The following LRP12 variants were observed in gnomAD, a reference collection of about 807,000 sequenced individuals.
LRP12 encodes LDL receptor related protein 12, also known as low-density lipoprotein receptor-related protein 12.
In LRP12, 14 loss-of-function variants were observed where a neutral mutation model predicts 66.0. The observed-to-expected ratio is 0.21, with a 90% CI of 0.14 to 0.33. LRP12 has a LOEUF of 0.33. Ranked by LOEUF, LRP12 falls within the 10% of genes least tolerant of loss-of-function variation. The pLI is 1.00. For synonymous variants in LRP12, 357 were observed against 359.1 expected (o/e 0.99, Z 0.07); for missense variants, 889 against 1,053.4 (o/e 0.84, Z 2.16).
intron 5 of LRP12, 108 bp downstream of exon 5, chr8:104,496,864 T>C: frequency 3.6e-6 from 4 of 1,096,172 alleles, no homozygotes; most frequent in Non-Finnish European, 2.4e-6. Flanking sequence ...CTTTATCCAT[T>C]TTCTAAACTA....
In LRP12 at chr8:104,490,783, C is replaced by T; in HGVS notation, c.2470G>A (p.Gly824Ser). Residue 824 changes from glycine to serine, a missense_variant, in exon 7 of 7, where the codon GGC (glycine) becomes AGC (serine). By Grantham distance (56) the Gly-to-Ser change is moderately conservative. Coordinates refer to ENST00000276654, the MANE Select transcript of LRP12 (RefSeq NM_013437.5). ...ACAATACCACAGCGCTCACAGGGGC[C>T]ATCTCGATTACTTGGCCTTACTCCA... ...NPGVRPSNRD[G>S]PCERCGIVHT... 1 of 1,614,104 alleles carries T rather than the reference C, an allele frequency of 6.2e-7. No individual in the cohort carries two copies. Among genetic ancestry groups the T allele is most frequent in the Non-Finnish European group, 8.5e-7 (1 of 1,180,016 alleles).
intron 1 of LRP12, among the ~76,000 whole-genome samples, chr8:104,547,813 C>G (rs1488703823): frequency 8.2e-6 from 1 of 121,300 alleles, no homozygotes; most frequent in Non-Finnish European, 1.6e-5. Flanking sequence ...ATATATAATT[C>G]TATATACTTT....
In LRP12 at chr8:104,548,349, AT is replaced by A. The variant is rs1811658205; in HGVS notation, c.80-16387del. On this transcript the variant is annotated intron_variant, in intron 1 of 6. Coordinates refer to ENST00000276654, the MANE Select transcript of LRP12 (RefSeq NM_013437.5). ...ATATATATTATATAAATATATAAAT[AT>A]ATAATATATATTATATAAATATATT... Among the ~76,000 whole-genome samples the A allele has an allele frequency of 1.6e-4, 4 of 25,680 alleles. 1 individual carries two copies. The highest frequency in any genetic ancestry group is 1.1e-3 in the Admixed American group (2 of 1,788). 16.8% of individuals were successfully genotyped at this position (25,680 alleles called of 152,430 possible). A position where few individuals can be genotyped will look rare whatever the true frequency, so the allele number is the denominator to read the frequency against.
chr8:104,499,748 G>C (rs1285027222), intron 3 of LRP12, among the ~76,000 whole-genome samples: 1 of 152,006 alleles, frequency 6.6e-6, no homozygotes, highest in Non-Finnish European at 1.5e-5. Context: ...GTAATGCTAG[G>C]TTCCAAAATA....
At chr8:104,557,394 C>T (rs925287723) in intron 1 of LRP12, among the ~76,000 whole-genome samples, 20 of 151,944 alleles carry the variant, frequency 1.3e-4, no homozygotes, top group Non-Finnish European at 1.8e-4. Flanking sequence ...AAATTCATCC[C>T]GAAAGCTCCT....
intron 2 of LRP12, among the ~76,000 whole-genome samples, chr8:104,527,967 G>C (rs1327737474): frequency 1.3e-5 from 2 of 152,102 alleles, no homozygotes; most frequent in Non-Finnish European, 2.9e-5. Context: ...GGTCCTATCA[G>C]GTGCTTGATA....
At chr8:104,539,937 T>C (rs78798977) in intron 1 of LRP12, among the ~76,000 whole-genome samples, 6,861 of 152,186 alleles carry the variant, frequency 0.045, 236 homozygotes, top group Non-Finnish European at 0.074. Context: ...GGCCAAACCC[T>C]AATATAGTTT....
At position 104,563,680 on chromosome 8, in the gene LRP12, C is replaced by G. The variant is rs111786187; in HGVS notation, c.79+25139G>C. 4.2e-3 allele frequency among the ~76,000 whole-genome samples: 641 copies of G among 152,092 alleles called. 7 individuals are homozygous for G. Among genetic ancestry groups the G allele is most frequent in the African/African-American group, 0.015 (612 of 41,466 alleles). On this transcript the variant is annotated intron_variant, in intron 1 of 6. Coordinates refer to ENST00000276654, the MANE Select transcript of LRP12 (RefSeq NM_013437.5). Reference sequence around the variant, plus strand: ...CTGTCCTCAAGAATGGGATTAGTGTCCTTATAAAAGGGACCCCAGAGAACT... The same window carrying G: ...CTGTCCTCAAGAATGGGATTAGTGTGCTTATAAAAGGGACCCCAGAGAACT...
At chr8:104,546,751 TG>T (rs1286040731) in intron 1 of LRP12, among the ~76,000 whole-genome samples, 1 of 151,542 alleles carries the variant, frequency 6.6e-6, no homozygotes, top group East Asian at 1.9e-4. Flanking sequence ...CTTACTGAGC[TG>T]GATCTGTGGC....
intron 3 of LRP12, among the ~76,000 whole-genome samples, chr8:104,500,808 AG>A (rs1469193957): frequency 1.5e-5 from 2 of 132,056 alleles, no homozygotes; most frequent in African/African-American, 5.5e-5. Context: ...TTCTAGAACT[AG>A]TATTGCTAGG....
chr8:104,530,611 G>A (rs79944793), intron 2 of LRP12, among the ~76,000 whole-genome samples: 1,814 of 152,268 alleles, frequency 0.012, 17 homozygotes, highest in Middle Eastern at 0.092. Flanking sequence ...GTATTTTGTT[G>A]CAGCAGCACA....
chr8:104,555,931 T>C (rs1227716183), intron 1 of LRP12, among the ~76,000 whole-genome samples: 3 of 152,152 alleles, frequency 2.0e-5, no homozygotes, highest in African/African-American at 7.2e-5. Context: ...TCTCAATAAA[T>C]TTAAGAAAAT....
intron 3 of LRP12, among the ~76,000 whole-genome samples, chr8:104,502,023 T>C (rs1276630301): frequency 1.3e-5 from 2 of 152,220 alleles, no homozygotes; most frequent in Admixed American, 6.5e-5. Flanking sequence ...GAGATTCTTC[T>C]TTCTTACATT....
chr8:104,525,480 C>G (rs1365697694), intron 2 of LRP12, among the ~76,000 whole-genome samples: 1 of 151,952 alleles, frequency 6.6e-6, no homozygotes, highest in Non-Finnish European at 1.5e-5. Context: ...AGTACAAGAA[C>G]CAAAAATATA....
In LRP12 at chr8:104,497,561, C is replaced by A; in HGVS notation, c.991G>T (p.Val331Leu). 1 of 1,613,656 alleles carries A rather than the reference C, an allele frequency of 6.2e-7. No homozygotes were observed. Among genetic ancestry groups the A allele is most frequent in the Non-Finnish European group, 8.5e-7 (1 of 1,179,812 alleles). Residue 331 changes from valine (V) to leucine (L), a missense_variant, in exon 5 of 7, where the codon GTG (valine) becomes TTG (leucine). Physicochemically the swap from Val to Leu is conservative, Grantham distance 32 (BLOSUM62 1). Transcript: ENST00000276654. The surrounding 1 kb of genome is among the most constrained non-coding windows in gnomAD (Gnocchi z 4.3). ...LEENPHKLLRVLTAFDSHAPL... is the reference protein window; with the variant it reads ...LEENPHKLLRLLTAFDSHAPL... ...GCATGAGAATCAAAAGCTGTCAACA[C>A]ACGCAAAAGCTTGTGTGGATTCTCC...
At chr8:104,586,516 T>C (rs1050165726) in intron 1 of LRP12, among the ~76,000 whole-genome samples, 2 of 152,236 alleles carry the variant, frequency 1.3e-5, no homozygotes, top group African/African-American at 4.8e-5. Context: ...CACTTTTTAC[T>C]GTATAGAGGA....
chr8:104,511,552 G>A (rs1259964496), intron 2 of LRP12, among the ~76,000 whole-genome samples: 2 of 151,770 alleles, frequency 1.3e-5, no homozygotes, highest in African/African-American at 4.8e-5. Context: ...TCCGTAACAG[G>A]GGTTATACAC....
chr8:104,587,130 C>T (rs1231994195), intron 1 of LRP12, among the ~76,000 whole-genome samples: 1 of 152,194 alleles, frequency 6.6e-6, no homozygotes, highest in Non-Finnish European at 1.5e-5. Context: ...ACACTGATGA[C>T]ACAGGTTTTA....
At chr8:104,524,308 G>A (rs1407098787) in intron 2 of LRP12, among the ~76,000 whole-genome samples, 1 of 150,592 alleles carries the variant, frequency 6.6e-6, no homozygotes, top group Non-Finnish European at 1.5e-5. Flanking sequence ...TTAATTGAAT[G>A]TTTATGTTGT....
Sources: gnomAD v4.1 joint callset for allele counts (sites outside exome capture counted in the v4.1 genomes callset) on GRCh38, gnomAD v4.1.1 for gene constraint, Gnocchi (gnomAD v3.1) non-coding constraint, MANE v1.5 for transcripts, NCBI Gene and HGNC (gene_info 2026-07-23, HGNC 2026-07-21) for gene names.